Variants in RFX8 observed in about 807,000 individuals in gnomAD.
RFX8 encodes regulatory factor X8.
In RFX8, 46 loss-of-function variants were observed where a neutral mutation model predicts 54.6. The observed-to-expected ratio is 0.84, with a 90% confidence interval of 0.67 to 1.08. The LOEUF is 1.08. Among genes scored for constraint, RFX8 ranks in the 50% least tolerant of loss-of-function variants. The probability of loss-of-function intolerance (pLI) is 0.00; values close to 1 mark genes in which losing one functional copy is unlikely to be tolerated. For missense variants in RFX8, 536 were observed against 562.3 expected (o/e 0.95, Z 0.47); for synonymous variants, 192 against 209.5 (o/e 0.92, Z 0.72).
intron 2 of RFX8, among the ~76,000 whole-genome samples, chr2:101,442,554 T>C (rs1688155366): frequency 6.6e-6 from 1 of 152,114 alleles, no homozygotes; most frequent in East Asian, 1.9e-4. Context: ...AAACCTTTTG[T>C]GCCACTTCCT....
intron 4 of RFX8, 56 bp from the exon 5 acceptor site, chr2:101,419,020 A>AC (rs912358779): frequency 7.3e-6 from 6 of 823,640 alleles, no homozygotes; most frequent in Middle Eastern, 3.3e-4. Context: ...CGCAAGACTA[A>AC]CCCCCCGCCA....
intron 10 of RFX8, among the ~76,000 whole-genome samples, chr2:101,403,173 G>C (rs1685544958): frequency 1.3e-5 from 2 of 152,204 alleles, no homozygotes; most frequent in African/African-American, 4.8e-5. Flanking sequence ...CTGCTGTTTT[G>C]TGGTGTTTGA....
intron 10 of RFX8, among the ~76,000 whole-genome samples, chr2:101,404,614 A>G (rs1030371864): frequency 1.3e-5 from 2 of 151,042 alleles, no homozygotes; most frequent in Non-Finnish European, 3.0e-5. Flanking sequence ...TTTCGTAGTG[A>G]CAGGGTTTCA....
intron 2 of RFX8, among the ~76,000 whole-genome samples, chr2:101,436,997 G>A (rs1385891065): frequency 6.6e-6 from 1 of 152,162 alleles, no homozygotes; most frequent in Admixed American, 6.5e-5. Flanking sequence ...CTGAGACCTC[G>A]GACCCTCCAA....
At chr2:101,426,637 GT>G (rs1402458866) in intron 2 of RFX8, among the ~76,000 whole-genome samples, 1 of 152,178 alleles carries the variant, frequency 6.6e-6, no homozygotes, top group East Asian at 1.9e-4. Context: ...ATTAAATGCA[GT>G]TTGAGATTTT....
rs11690642 is a variant in RFX8, at chr2:101,469,003, C to A, written c.-52-2103G>T. Among the ~76,000 whole-genome samples the A allele has an allele frequency of 4.8e-4, 14 of 29,166 alleles. 1 individual carries two copies. The highest frequency in any genetic ancestry group is 3.7e-3 in the East Asian group (6 of 1,616). 19.1% of individuals were successfully genotyped at this position (29,166 alleles called of 152,430 possible). A position where few individuals can be genotyped will look rare whatever the true frequency, so the allele number is the denominator to read the frequency against. The stretch of plus-strand genomic sequence containing the variant: ...GTATATATATATAAGTATATATATA[C>A]GTATATATATATAGGTATATATATA... On this transcript the variant is annotated intron_variant, in intron 1 of 11. Transcript: ENST00000428343.
At chr2:101,450,555 G>C (rs983927928) in intron 2 of RFX8, 1 of 1,005,378 alleles carries the variant, frequency 9.9e-7, no homozygotes, top group African/African-American at 1.6e-5. Context: ...CACCAGGCTT[G>C]TGACCCAAGA....
chr2:101,430,047 A>G (rs1687399286), intron 2 of RFX8, among the ~76,000 whole-genome samples: 2 of 152,226 alleles, frequency 1.3e-5, no homozygotes, highest in South Asian at 4.1e-4. Context: ...GTTTCCACAT[A>G]ATGTTATATT....
intron 2 of RFX8, among the ~76,000 whole-genome samples, chr2:101,461,549 T>G (rs1413401151): frequency 6.6e-6 from 1 of 152,118 alleles, no homozygotes; most frequent in African/African-American, 2.4e-5. Flanking sequence ...AATCTGGTGT[T>G]TGGGAAAGAA....
chr2:101,426,787 C>A (rs1345946400), intron 2 of RFX8, among the ~76,000 whole-genome samples: 3 of 152,194 alleles, frequency 2.0e-5, no homozygotes, highest in African/African-American at 7.2e-5. Flanking sequence ...CAGGCACCAT[C>A]TGCCTCCCCT....
intron 2 of RFX8, among the ~76,000 whole-genome samples, chr2:101,428,802 G>C (rs987419713): frequency 4.6e-5 from 7 of 152,226 alleles, no homozygotes; most frequent in Admixed American, 2.0e-4. Flanking sequence ...GTGGAAAGTG[G>C]TGGCACTGAA....
intron 2 of RFX8, among the ~76,000 whole-genome samples, chr2:101,455,410 A>G (rs1257461624): frequency 6.6e-6 from 1 of 152,160 alleles, no homozygotes. Flanking sequence ...TAAGGAAGGG[A>G]TCCAGCTTCA....
chr2:101,448,461 C>G (rs1184629521), intron 2 of RFX8, among the ~76,000 whole-genome samples: 1 of 152,218 alleles, frequency 6.6e-6, no homozygotes. Context: ...CACCACCTGT[C>G]AAAATTCTAA....
intron 4 of RFX8, among the ~76,000 whole-genome samples, chr2:101,419,249 A>T (rs748188381): frequency 6.6e-6 from 1 of 152,214 alleles, no homozygotes; most frequent in African/African-American, 2.4e-5. Flanking sequence ...AGGGGGCTCC[A>T]GTTGATTATA....
intron 10 of RFX8, among the ~76,000 whole-genome samples, chr2:101,404,136 C>T (rs565918342): frequency 6.6e-6 from 1 of 152,316 alleles, no homozygotes; most frequent in South Asian, 2.1e-4. Flanking sequence ...AACCTTTTGT[C>T]CATTTCAAAG....
At chr2:101,446,677 A>C (rs1469991334) in intron 2 of RFX8, among the ~76,000 whole-genome samples, 1 of 152,054 alleles carries the variant, frequency 6.6e-6, no homozygotes, top group Non-Finnish European at 1.5e-5. Context: ...ATCGGAAACA[A>C]ACAGAGTCCC....
intron 1 of RFX8, among the ~76,000 whole-genome samples, chr2:101,469,295 C>G (rs1007913899): frequency 6.9e-6 from 1 of 143,990 alleles, no homozygotes; most frequent in African/African-American, 2.5e-5. Flanking sequence ...GCTGCGACTA[C>G]AGGCGTGTGA....
intron 2 of RFX8, among the ~76,000 whole-genome samples, chr2:101,445,115 C>T (rs1688298137): frequency 6.6e-6 from 1 of 152,190 alleles, no homozygotes; most frequent in Non-Finnish European, 1.5e-5. Flanking sequence ...TCCAGGGCTG[C>T]CACAAAAGCC....
At position 101,464,815 on chromosome 2, in the gene RFX8, C is replaced by G. The variant is rs918504451; in HGVS notation, c.72+1962G>C. 4.0e-5 allele frequency among the ~76,000 whole-genome samples: 6 copies of G among 151,836 alleles called. No homozygotes were observed. In the South Asian group the frequency reaches 1.2e-3, roughly 32 times the overall value. ...TAGAATTACCATGAAGGTGAAACAG[C>G]CTTATAAAAAGATCTTTAAAAGTTC... On this transcript the variant is annotated intron_variant, in intron 2 of 11. Coordinates refer to ENST00000428343, the MANE Select transcript of RFX8 (RefSeq NM_001145664.2).
Sources: gnomAD v4.1 joint callset for allele counts (sites outside exome capture counted in the v4.1 genomes callset) on GRCh38, gnomAD v4.1.1 for gene constraint, MANE v1.5 for transcripts, NCBI Gene and HGNC (gene_info 2026-07-23, HGNC 2026-07-21) for gene names.